Variants in ASB3 observed in about 807,000 individuals in gnomAD.
ASB3 encodes ankyrin repeat and SOCS box containing 3, also known as ankyrin repeat and SOCS box protein 3.
In ASB3, 41 loss-of-function variants were observed where a neutral mutation model predicts 54.5. The ratio of observed to expected loss-of-function variants is 0.75; its 90% confidence interval spans 0.59 to 0.98. The LOEUF (loss-of-function observed/expected upper bound fraction) is 0.98. ASB3 is among the 50% of genes least tolerant of loss of function. ASB3 has a pLI of 0.00. For missense variants in ASB3, 733 were observed against 620.0 expected (o/e 1.18, Z -1.94); for synonymous variants, 266 against 221.2 (o/e 1.20, Z -1.80).
chr2:53,755,745 G>A (rs1323884471), intron 2 of ASB3, among the ~76,000 whole-genome samples: 1 of 152,212 alleles, frequency 6.6e-6, no homozygotes, highest in Non-Finnish European at 1.5e-5. Context: ...AAGAGGAAGA[G>A]GTTGAAAGGC....
At position 53,712,822 on chromosome 2, in the gene ASB3, G is replaced by A. The variant is rs76936098; in HGVS notation, c.980+1562C>T. ...ATTATATTCTGGTCTAATAAGAAATGTTCAGTTCTGTAACGGACTTAAGAT... is the reference window on the plus strand; with the variant it reads ...ATTATATTCTGGTCTAATAAGAAATATTCAGTTCTGTAACGGACTTAAGAT... On this transcript the variant is annotated intron_variant, in intron 7 of 9. Coordinates refer to ENST00000263634, the MANE Select transcript of ASB3 (RefSeq NM_016115.5). Among the ~76,000 whole-genome samples, 297 of 152,240 alleles carry A rather than the reference G, an allele frequency of 2.0e-3. 1 individual carries two copies. The highest frequency in any genetic ancestry group is 6.7e-3 in the African/African-American group (277 of 41,550).
At position 53,767,994 on chromosome 2, in the gene ASB3, C is replaced by G. The variant is rs200108276; in HGVS notation, c.-13-2409G>C. The G allele has an allele frequency of 6.2e-5, 100 of 1,611,330 alleles. No individual in the cohort carries two copies. Among genetic ancestry groups the G allele is most frequent in the Non-Finnish European group, 5.1e-6 (6 of 1,177,688 alleles). On this transcript the variant is annotated intron_variant, in intron 1 of 9. Coordinates refer to ENST00000263634, the MANE Select transcript of ASB3 (RefSeq NM_016115.5). ...ACAGCAGGCGCTTCTGGCAGGGCAG[C>G]ACGGACCACCGCGGGGTCCCCGGCA...
At position 53,714,424 on chromosome 2, in the gene ASB3, A is replaced by G. The variant is rs1670275485; in HGVS notation, c.940T>C (p.Phe314Leu). ...ATGCACACAGGAGAACTGAATCCAA[A>G]AACAAGGCACGCCTGGGCGTCTGGG... ...YSPDAQACLV[F>L]GFSSPVCMAF... is the part of the protein sequence containing the mutation. The change falls in exon 7 of 10, where the codon TTT becomes CTT. Residue 314 changes from phenylalanine to leucine, a missense_variant. Transcript: ENST00000263634. 6.2e-7 allele frequency: 1 copy of G among 1,614,218 alleles called. No homozygotes were observed. The highest frequency in any genetic ancestry group is 8.5e-7 in the Non-Finnish European group (1 of 1,180,026).
chr2:53,761,037 C>T (rs1194334387), intron 2 of ASB3, among the ~76,000 whole-genome samples: 1 of 152,142 alleles, frequency 6.6e-6, no homozygotes, highest in East Asian at 1.9e-4. Context: ...GCAGGAAGCA[C>T]TTAAGAGCAG....
At chr2:53,743,596 T>C (rs943310494) in intron 3 of ASB3, among the ~76,000 whole-genome samples, 1 of 152,182 alleles carries the variant, frequency 6.6e-6, no homozygotes, top group African/African-American at 2.4e-5. Flanking sequence ...AAGAACAATA[T>C]AAGGATACTG....
chr2:53,693,972 C>T lies in ASB3; in HGVS notation c.1281G>A (p.Glu427=). 1 of 1,613,530 alleles carries T rather than the reference C, an allele frequency of 6.2e-7. No homozygotes were observed. Residue 427 remains glutamate, a synonymous_variant, in exon 9 of 10, where the codon GAG becomes GAA. Coordinates refer to ENST00000263634, the MANE Select transcript of ASB3 (RefSeq NM_016115.5). ...VSIDTLIFTL[E]FTNWKTLAPA... ...GTGCAAGTGTCTTCCAATTAGTAAACTCCAAAGTGAAGATAAGGGTGTCAA... is the reference window on the plus strand; with the variant it reads ...GTGCAAGTGTCTTCCAATTAGTAAATTCCAAAGTGAAGATAAGGGTGTCAA...
chr2:53,755,362 T>C (rs1230042861), intron 2 of ASB3, among the ~76,000 whole-genome samples: 1 of 152,236 alleles, frequency 6.6e-6, no homozygotes, highest in African/African-American at 2.4e-5. Context: ...TTACTTCTTA[T>C]AAAAGTGGTA....
rs569255251 is a variant in ASB3, at chr2:53,774,575, A to C, written c.-13-8990T>G. On this transcript the variant is annotated intron_variant, in intron 1 of 9. Coordinates refer to ENST00000263634, the MANE Select transcript of ASB3 (RefSeq NM_016115.5). ...AGTGCACAATGACAATATGATTTGGAAATACGTTTACTTAAAGATCTTATT... is the reference window on the plus strand; with the variant it reads ...AGTGCACAATGACAATATGATTTGGCAATACGTTTACTTAAAGATCTTATT... The C allele has an allele frequency of 3.8e-6, 5 of 1,317,290 alleles. No individual in the cohort carries two copies. In the South Asian group the frequency reaches 8.2e-5, roughly 22 times the overall value. 81.6% of individuals were successfully genotyped at this position (1,317,290 alleles called of 1,614,324 possible). A position where few individuals can be genotyped will look rare whatever the true frequency, so the allele number is the denominator to read the frequency against.
At chr2:53,756,829 C>A in intron 2 of ASB3, 1 of 153,114 alleles carries the variant, frequency 6.5e-6, no homozygotes, top group South Asian at 1.9e-4. Flanking sequence ...GGCAGGGTGT[C>A]CACTGCACTT....
chr2:53,743,456 C>T (rs1271851063), intron 3 of ASB3, among the ~76,000 whole-genome samples: 1 of 152,092 alleles, frequency 6.6e-6, no homozygotes, highest in Admixed American at 6.5e-5. Context: ...AGCTATTTAA[C>T]CGTGGAACTA....
At chr2:53,726,917 C>G (rs554233620) in intron 5 of ASB3, among the ~76,000 whole-genome samples, 2 of 152,154 alleles carry the variant, frequency 1.3e-5, no homozygotes, top group South Asian at 4.2e-4. Context: ...TGGTCTCAAG[C>G]TCCTGACCTC....
Position 53,750,786 on chromosome 2 carries a change from A to G in ASB3, c.352T>C (p.Leu118=), listed in dbSNP as rs769277048. ...TTLEETTPLF[L]AVENGQIDVL... ...GCACCACAAATAGCATACTTACCTA[A>G]AAACAATGGTGTCGTTTCTTCTAAA... The change falls in exon 3 of 10, where the codon TTA becomes CTA. Residue 118 remains leucine, a synonymous_variant. Coordinates refer to ENST00000263634, the MANE Select transcript of ASB3 (RefSeq NM_016115.5). 1.9e-6 allele frequency: 3 copies of G among 1,550,948 alleles called. No homozygotes were observed. Among genetic ancestry groups the G allele is most frequent in the East Asian group, 4.6e-5 (2 of 43,504 alleles).
chr2:53,739,538 T>C (rs2103957846), intron 3 of ASB3, among the ~76,000 whole-genome samples: 1 of 152,326 alleles, frequency 6.6e-6, no homozygotes, highest in Non-Finnish European at 1.5e-5. Context: ...GAAAAATGCT[T>C]AATGTGACTA....
chr2:53,758,329 C>T (rs6746628), intron 2 of ASB3, among the ~76,000 whole-genome samples: 6,440 of 152,220 alleles, frequency 0.042, 312 homozygotes, highest in East Asian at 0.24. Flanking sequence ...GGACTTAATC[C>T]GGGGCAACAA....
At chr2:53,721,824 G>GA (rs1366160896) in intron 5 of ASB3, among the ~76,000 whole-genome samples, 1 of 151,196 alleles carries the variant, frequency 6.6e-6, no homozygotes, top group African/African-American at 2.4e-5. Flanking sequence ...GCTATTAGAA[G>GA]AAAAAAAATA....
chr2:53,765,627 C>T, intron 1 of ASB3, 42 bp from the exon 2 acceptor site: 2 of 1,610,420 alleles, frequency 1.2e-6, no homozygotes, highest in Non-Finnish European at 1.7e-6. Context: ...GTCAATAAAA[C>T]AACACTTCAC....
At chr2:53,690,913 T>C (rs570094229) in intron 9 of ASB3, among the ~76,000 whole-genome samples, 6 of 152,332 alleles carry the variant, frequency 3.9e-5, no homozygotes, top group South Asian at 4.1e-4. Context: ...GAATTATATA[T>C]ATCTAATCAT....
intron 2 of ASB3, among the ~76,000 whole-genome samples, chr2:53,760,513 A>G (rs1673082986): frequency 6.6e-6 from 1 of 152,202 alleles, no homozygotes; most frequent in South Asian, 2.1e-4. Context: ...CCTCCAGGAA[A>G]CCAAGGCCCA....
intron 8 of ASB3, among the ~76,000 whole-genome samples, chr2:53,698,940 C>A (rs1669332185): frequency 6.6e-6 from 1 of 152,206 alleles, no homozygotes; most frequent in African/African-American, 2.4e-5. Flanking sequence ...CTTAGGTAAT[C>A]GTTATGAGCA....
Sources: allele counts gnomAD v4.1 joint callset (sites outside exome capture counted in the v4.1 genomes callset), GRCh38; gene constraint gnomAD v4.1.1; transcripts MANE v1.5; gene names NCBI Gene and HGNC (gene_info 2026-07-23, HGNC 2026-07-21).